MNAT1: variants seen among roughly 807,000 people sequenced by gnomAD.
The protein encoded by MNAT1 is CDK-activating kinase assembly factor MAT1.
A neutral mutation model predicts 42.0 loss-of-function variants in MNAT1; 43 were observed. That is an observed-to-expected ratio of 1.02 (90% CI 0.80 to 1.32). The LOEUF is 1.32. MNAT1 is among the 40% of genes most tolerant of loss of function. MNAT1 has a pLI of 0.00. For missense variants in MNAT1, 306 were observed against 350.4 expected (o/e 0.87, Z 1.01); for synonymous variants, 118 against 120.0 (o/e 0.98, Z 0.11).
At chr14:60,889,531 A>G (rs1375030002) in intron 7 of MNAT1, among the ~76,000 whole-genome samples, 3 of 152,236 alleles carry the variant, frequency 2.0e-5, no homozygotes, top group African/African-American at 4.8e-5. Context: ...CATTGAGGAC[A>G]TAGGCATGGG....
At chr14:60,866,315 T>C (rs941791546) in intron 6 of MNAT1, among the ~76,000 whole-genome samples, 2 of 151,104 alleles carry the variant, frequency 1.3e-5, no homozygotes, top group African/African-American at 2.4e-5. Flanking sequence ...ACCTTTTTTT[T>C]TTTTTTTTTT....
intron 1 of MNAT1, among the ~76,000 whole-genome samples, chr14:60,742,337 C>T (rs988559898): frequency 2.6e-5 from 4 of 152,138 alleles, no homozygotes; most frequent in African/African-American, 9.7e-5. Context: ...ATCTACCCAC[C>T]TCAGCCTCCC....
At chr14:60,798,885 T>C (rs2032108930) in intron 3 of MNAT1, among the ~76,000 whole-genome samples, 2 of 152,166 alleles carry the variant, frequency 1.3e-5, no homozygotes, top group Non-Finnish European at 2.9e-5. Context: ...AATGAGACTA[T>C]GAGGATCAAA....
At chr14:60,886,314 G>C (rs1256095869) in intron 7 of MNAT1, among the ~76,000 whole-genome samples, 3 of 151,788 alleles carry the variant, frequency 2.0e-5, no homozygotes, top group African/African-American at 7.3e-5. Flanking sequence ...GGATTTTGTT[G>C]AATCTGTATA....
At position 60,923,846 on chromosome 14, in the gene MNAT1, G is replaced by T. The variant is rs552511313; in HGVS notation, c.809+44011G>T. Among the ~76,000 whole-genome samples the T allele has an allele frequency of 1.6e-4, 24 of 152,164 alleles. 1 individual carries two copies. In the South Asian group the frequency reaches 5.0e-3, roughly 32 times the overall value. ...ATAAAAAAAATTAGCCAGGTGTGGT[G>T]GTGTGCATCTGTAATCCCAGCTACT... is the stretch of plus-strand genomic sequence containing the variant. On this transcript the variant is annotated intron_variant, in intron 7 of 7. Transcript: ENST00000261245.
chr14:60,928,332 T>C (rs1052633501), intron 7 of MNAT1, among the ~76,000 whole-genome samples: 1 of 152,214 alleles, frequency 6.6e-6, no homozygotes, highest in Admixed American at 6.6e-5. Context: ...GCTATAAATA[T>C]TCATACTGTT....
At position 60,826,453 on chromosome 14, in the gene MNAT1, A is replaced by G. The variant is rs549657771; in HGVS notation, c.687+7606A>G. On this transcript the variant is annotated intron_variant, in intron 6 of 7. Transcript: ENST00000261245. ...TGCCTCAGCCTCCTGCTTAGCTGGA[A>G]CTACAGGTGCATGCCACCATGCCCG... Among the ~76,000 whole-genome samples the G allele has an allele frequency of 2.6e-5, 4 of 151,820 alleles. No individual in the cohort carries two copies. The East Asian group carries it at 5.8e-4, about 22-fold the overall frequency.
intron 1 of MNAT1, among the ~76,000 whole-genome samples, chr14:60,747,177 G>A (rs1313855569): frequency 6.6e-6 from 1 of 151,202 alleles, no homozygotes; most frequent in South Asian, 2.1e-4. Context: ...GTAGAGATGG[G>A]GTTTCACCAT....
chr14:60,909,551 G>C (rs1332775010), intron 7 of MNAT1, among the ~76,000 whole-genome samples: 1 of 152,114 alleles, frequency 6.6e-6, no homozygotes, highest in African/African-American at 2.4e-5. Context: ...TGGTTAGCCA[G>C]TTTTCCCAGC....
At chr14:60,768,933 C>T (rs1302231817) in intron 1 of MNAT1, among the ~76,000 whole-genome samples, 1 of 152,144 alleles carries the variant, frequency 6.6e-6, no homozygotes, top group Non-Finnish European at 1.5e-5. Context: ...TTACCCTACT[C>T]CTAAGATTAT....
intron 1 of MNAT1, among the ~76,000 whole-genome samples, chr14:60,765,530 T>C (rs542020524): frequency 6.6e-6 from 1 of 152,244 alleles, no homozygotes; most frequent in African/African-American, 2.4e-5. Flanking sequence ...ATTTAAAAAA[T>C]TAAAAACAAA....
intron 1 of MNAT1, among the ~76,000 whole-genome samples, chr14:60,778,881 C>T (rs1241217167): frequency 2.0e-5 from 3 of 152,166 alleles, no homozygotes; most frequent in East Asian, 3.9e-4. Context: ...ACGGGTTCAA[C>T]AACCAAGGGA....
At chr14:60,893,142 A>T (rs1185781542) in intron 7 of MNAT1, among the ~76,000 whole-genome samples, 1 of 151,978 alleles carries the variant, frequency 6.6e-6, no homozygotes, top group African/African-American at 2.4e-5. Flanking sequence ...TTAATTTTTT[A>T]AAAAAGTTTG....
rs117842376 is a variant in MNAT1, at chr14:60,826,290, A to G, written c.687+7443A>G. 1.1e-3 allele frequency among the ~76,000 whole-genome samples: 164 copies of G among 147,222 alleles called. No homozygotes were observed. The East Asian group carries it at 0.023, about 21-fold the overall frequency. ...AGAAGGTTCTACTTATCACTATTTT[A>G]TGCATGAATAGGAGAAATTTTTTTT... On this transcript the variant is annotated intron_variant, in intron 6 of 7. Transcript: ENST00000261245.
At position 60,881,654 on chromosome 14, in the gene MNAT1, T is replaced by C. The variant is rs1298088056; in HGVS notation, c.809+1819T>C. Among the ~76,000 whole-genome samples the C allele has an allele frequency of 2.0e-5, 3 of 152,042 alleles. No homozygotes were observed. The East Asian group carries it at 5.8e-4, about 29-fold the overall frequency. Reference sequence around the variant, plus strand: ...AGAAGATTTTTTTAAGTATTAATTTTTGTGGGCACATAGTAGGTATATATA... The same window carrying C: ...AGAAGATTTTTTTAAGTATTAATTTCTGTGGGCACATAGTAGGTATATATA... On this transcript the variant is annotated intron_variant, in intron 7 of 7. Transcript: ENST00000261245.
chr14:60,739,365 C>G (rs1273408615), intron 1 of MNAT1, among the ~76,000 whole-genome samples: 1 of 151,686 alleles, frequency 6.6e-6, no homozygotes, highest in Non-Finnish European at 1.5e-5. Context: ...TGAAGGCTGG[C>G]TTCCGCAGGA....
At chr14:60,888,797 A>T (rs982390649) in intron 7 of MNAT1, among the ~76,000 whole-genome samples, 7 of 128,510 alleles carry the variant, frequency 5.4e-5, no homozygotes, top group African/African-American at 1.7e-4. Context: ...ATTCTTATAC[A>T]CCAACAACAG....
At chr14:60,961,525 T>C (rs2036591571) in intron 7 of MNAT1, among the ~76,000 whole-genome samples, 1 of 152,224 alleles carries the variant, frequency 6.6e-6, no homozygotes, top group Non-Finnish European at 1.5e-5. Context: ...GGATCTAAGC[T>C]TAACTGTCAT....
chr14:60,851,867 C>CA (rs1488777801), intron 6 of MNAT1, among the ~76,000 whole-genome samples: 2 of 152,152 alleles, frequency 1.3e-5, no homozygotes, highest in Non-Finnish European at 2.9e-5. Flanking sequence ...CATGTCCCTG[C>CA]AAAGGACATG....
Sources: gnomAD v4.1 joint callset for allele counts (sites outside exome capture counted in the v4.1 genomes callset) on GRCh38, gnomAD v4.1.1 for gene constraint, MANE v1.5 for transcripts, NCBI Gene and HGNC (gene_info 2026-07-23, HGNC 2026-07-21) for gene names.